ZCWPW2: variants seen among roughly 807,000 people sequenced by gnomAD.
The protein encoded by ZCWPW2 is zinc finger CW-type PWWP domain protein 2.
ZCWPW2 carries 45 observed loss-of-function variants against 46.6 expected under a neutral mutation model. The ratio of observed to expected loss-of-function variants is 0.96; its 90% CI spans 0.76 to 1.24. The LOEUF is 1.24. ZCWPW2 is among the 50% of genes most tolerant of loss of function. The pLI, the probability that ZCWPW2 is intolerant of heterozygous loss-of-function variation, is 0.00. For synonymous variants in ZCWPW2, 152 were observed against 137.1 expected, an observed-to-expected ratio of 1.11 and a Z score of -0.76; for missense variants, 429 against 403.9, an observed-to-expected ratio of 1.06 and a Z score of -0.53.
chr3:28,494,815 A>C (rs1351708295), intron 6 of ZCWPW2, among the ~76,000 whole-genome samples: 3 of 138,016 alleles, frequency 2.2e-5, no homozygotes, highest in Non-Finnish European at 3.1e-5. Flanking sequence ...TCATGAGTGA[A>C]CTCCCATTCA....
chr3:28,380,537 A>G (rs190409978), intron 1 of ZCWPW2, among the ~76,000 whole-genome samples: 19 of 152,258 alleles, frequency 1.2e-4, no homozygotes, highest in African/African-American at 4.3e-4. Context: ...TAAACCTGCC[A>G]TTGCTCTTGT....
At chr3:28,372,385 T>A (rs1575060611) in intron 1 of ZCWPW2, among the ~76,000 whole-genome samples, 1 of 152,216 alleles carries the variant, frequency 6.6e-6, no homozygotes, top group East Asian at 1.9e-4. Flanking sequence ...AATAAGCAAA[T>A]CATGAAATGT....
intron 4 of ZCWPW2, among the ~76,000 whole-genome samples, chr3:28,453,489 T>C (rs1284217773): frequency 1.3e-5 from 2 of 152,206 alleles, no homozygotes; most frequent in East Asian, 3.9e-4. Context: ...GACCCTTCAA[T>C]GGAACAGCAA....
rs989795622 is a variant in ZCWPW2, at chr3:28,493,577, CT to C, written c.657+1407del. Among the ~76,000 whole-genome samples the C allele has an allele frequency of 1.8e-5, 2 of 112,578 alleles. 1 individual carries two copies. Among genetic ancestry groups the C allele is most frequent in the Non-Finnish European group, 3.9e-5 (2 of 50,898 alleles). The allele number at this position is 112,578 out of a possible 152,430, so 73.9% of individuals were successfully genotyped here. A position where few individuals can be genotyped will look rare whatever the true frequency, so the allele number is the denominator to read the frequency against. ...TTGGACATTTGGGTTGGTTCCAAGTCTTTGCTATTGTGAATAATGCCGCAAT... is the reference window on the plus strand; with the variant it reads ...TTGGACATTTGGGTTGGTTCCAAGTCTTGCTATTGTGAATAATGCCGCAAT... On this transcript the variant is annotated intron_variant, in intron 6 of 9. Transcript: ENST00000383768.
At chr3:28,459,376 A>G (rs902577208) in intron 4 of ZCWPW2, among the ~76,000 whole-genome samples, 1 of 150,584 alleles carries the variant, frequency 6.6e-6, no homozygotes, top group Non-Finnish European at 1.5e-5. Flanking sequence ...TCTCCAAAGA[A>G]AAAAAAAAAC....
At position 28,374,612 on chromosome 3, in the gene ZCWPW2, G is replaced by T. The variant is rs372852398; in HGVS notation, c.-133-15886G>T. ...TAATTTTTGCAAACTATGAGTATGG[G>T]ATGTCTTTTCATTTTTTGTATGTTC... On this transcript the variant is annotated intron_variant, in intron 1 of 9. Coordinates refer to ENST00000383768, the MANE Select transcript of ZCWPW2 (RefSeq NM_001040432.4). Among the ~76,000 whole-genome samples, 213 of 152,074 alleles carry T rather than the reference G, an allele frequency of 1.4e-3. 5 individuals carry two copies. In the South Asian group the frequency reaches 0.028, roughly 20 times the overall value.
chr3:28,502,276 T>A (rs1700163316), intron 6 of ZCWPW2, among the ~76,000 whole-genome samples: 1 of 152,066 alleles, frequency 6.6e-6, no homozygotes, highest in African/African-American at 2.4e-5. Flanking sequence ...AATAGATAAA[T>A]CTCTGATTCC....
At chr3:28,513,381 G>T (rs1027111853) in intron 6 of ZCWPW2, among the ~76,000 whole-genome samples, 1 of 152,122 alleles carries the variant, frequency 6.6e-6, no homozygotes, top group East Asian at 1.9e-4. Context: ...TAATGGTGTA[G>T]ACCTAGTGTT....
At chr3:28,511,235 C>CCTG in intron 6 of ZCWPW2, 1 of 290,466 alleles carries the variant, frequency 3.4e-6, no homozygotes. Context: ...AATGTCTATT[C>CCTG]TTTATATGGG....
intron 6 of ZCWPW2, among the ~76,000 whole-genome samples, chr3:28,503,334 A>G (rs1254554929): frequency 2.6e-5 from 4 of 152,152 alleles, no homozygotes; most frequent in Admixed American, 6.6e-5. Flanking sequence ...GTTTTCTTCA[A>G]TGCATTTTGC....
In ZCWPW2 at chr3:28,421,834, T is replaced by TTGTGTGTGTGTG. The variant is rs71087697; in HGVS notation, c.332+8466_332+8477dup. 2.6e-3 allele frequency among the ~76,000 whole-genome samples: 347 copies of TTGTGTGTGTGTG among 133,902 alleles called. 2 individuals carry two copies. The highest frequency in any genetic ancestry group is 6.3e-3 in the East Asian group (28 of 4,472). 87.8% of individuals were successfully genotyped at this position (133,902 alleles called of 152,430 possible). On this transcript the variant is annotated intron_variant, in intron 3 of 9. Coordinates refer to ENST00000383768, the MANE Select transcript of ZCWPW2 (RefSeq NM_001040432.4). Reference sequence around the variant, plus strand: ...TGAGAACCATATGTTGGAGAATAGTTTGTGTGTGTGTGTGTGTGTGTGTGT... The same window carrying TTGTGTGTGTGTG: ...TGAGAACCATATGTTGGAGAATAGTTTGTGTGTGTGTGTGTGTGTGTGTGTGTGTGTGTGTGT...
chr3:28,389,334 C>CT (rs112347370), intron 1 of ZCWPW2, among the ~76,000 whole-genome samples: 1,702 of 152,034 alleles, frequency 0.011, 47 homozygotes, highest in African/African-American at 0.039. Flanking sequence ...CATCCTTTTT[C>CT]TTTTTTTTCC....
At chr3:28,426,518 A>C (rs1189364824) in intron 3 of ZCWPW2, among the ~76,000 whole-genome samples, 1 of 152,208 alleles carries the variant, frequency 6.6e-6, no homozygotes, top group Admixed American at 6.6e-5. Context: ...AAAGCAATCA[A>C]GTGATACTTT....
At chr3:28,512,371 GAC>G (rs1700450546) in intron 6 of ZCWPW2, among the ~76,000 whole-genome samples, 1 of 151,566 alleles carries the variant, frequency 6.6e-6, no homozygotes, top group Non-Finnish European at 1.5e-5. Flanking sequence ...TTTTAGTAGA[GAC>G]AGCGTTTTGC....
chr3:28,429,491 A>C (rs1481806914), intron 3 of ZCWPW2, among the ~76,000 whole-genome samples: 1 of 152,342 alleles, frequency 6.6e-6, no homozygotes, highest in East Asian at 1.9e-4. Context: ...AGAGCATAAA[A>C]GTTTGGAAAA....
At chr3:28,402,274 A>G (rs1319310421) in intron 2 of ZCWPW2, among the ~76,000 whole-genome samples, 1 of 152,196 alleles carries the variant, frequency 6.6e-6, no homozygotes, top group Admixed American at 6.5e-5. Flanking sequence ...AATACAAAAT[A>G]TCATTCAAGG....
chr3:28,358,746 A>T (rs1038708720), intron 1 of ZCWPW2, among the ~76,000 whole-genome samples: 2 of 152,074 alleles, frequency 1.3e-5, no homozygotes, highest in Non-Finnish European at 2.9e-5. Context: ...ACCATCCAAA[A>T]CTAAGAATCC....
In ZCWPW2 at chr3:28,349,050, G is replaced by T. The variant is rs1267722957; in HGVS notation, c.-287G>T. 45 of 986,136 alleles carry T rather than the reference G, an allele frequency of 4.6e-5. No individual in the cohort carries two copies. Among genetic ancestry groups the T allele is most frequent in the Non-Finnish European group, 5.3e-5 (44 of 830,580 alleles). The allele number at this position is 986,136 out of a possible 1,614,324, so 61.1% of individuals were successfully genotyped here. A position where few individuals can be genotyped will look rare whatever the true frequency, so the allele number is the denominator to read the frequency against. ...CGCGAGGAAACCGGAAGTCAGGCCC[G>T]AGGGAGCTGGGAGGGCGTTAGCGAA... is the stretch of plus-strand genomic sequence containing the variant. On this transcript the variant is annotated 5_prime_UTR_variant, in exon 1 of 10. Coordinates refer to ENST00000383768, the MANE Select transcript of ZCWPW2 (RefSeq NM_001040432.4).
At chr3:28,424,282 C>G (rs1696916445) in intron 3 of ZCWPW2, among the ~76,000 whole-genome samples, 1 of 149,286 alleles carries the variant, frequency 6.7e-6, no homozygotes, top group Non-Finnish European at 1.5e-5. Flanking sequence ...GCCTTTAAAT[C>G]AATACCTAGA....
Sources: allele counts gnomAD v4.1 joint callset (sites outside exome capture counted in the v4.1 genomes callset), GRCh38; gene constraint gnomAD v4.1.1; transcripts MANE v1.5; gene names NCBI Gene and HGNC (gene_info 2026-07-23, HGNC 2026-07-21).